GAS7: variants seen among roughly 807,000 people sequenced by gnomAD.
GAS7 encodes growth arrest-specific protein 7.
In GAS7, 28 loss-of-function variants were observed where a neutral mutation model predicts 71.1. The observed-to-expected ratio is 0.39, with a 90% CI of 0.29 to 0.54. The LOEUF (loss-of-function observed/expected upper bound fraction) is 0.54. Ranked by LOEUF, GAS7 falls within the 20% of genes least tolerant of loss-of-function variation. GAS7 has a pLI of 0.62. For synonymous variants in GAS7, 258 were observed against 245.8 expected, an observed-to-expected ratio of 1.05 and a Z score of -0.46; for missense variants, 436 against 627.8, an observed-to-expected ratio of 0.69 and a Z score of 3.27.
chr17:10,010,395 G>A (rs887518038), intron 2 of GAS7, among the ~76,000 whole-genome samples: 1 of 151,924 alleles, frequency 6.6e-6, no homozygotes, highest in Non-Finnish European at 1.5e-5. Flanking sequence ...CTGGTGATCC[G>A]CCCGCCTCAG....
chr17:10,121,254 A>G (rs1208849081), intron 1 of GAS7, among the ~76,000 whole-genome samples: 1 of 151,886 alleles, frequency 6.6e-6, no homozygotes, highest in East Asian at 1.9e-4. Context: ...GGTGGCATGC[A>G]CCTGTAGTCC....
intron 6 of GAS7, among the ~76,000 whole-genome samples, chr17:9,945,057 G>A (rs1567805669): frequency 6.6e-6 from 1 of 152,104 alleles, no homozygotes; most frequent in African/African-American, 2.4e-5. Flanking sequence ...GCTGCTGGAT[G>A]CAGGCGGCAT....
intron 13 of GAS7, 78 bp from the exon 14 acceptor site, chr17:9,917,419 C>T: frequency 9.4e-7 from 1 of 1,058,476 alleles, no homozygotes. Flanking sequence ...ACATGCTGTC[C>T]TCACCTTAGT....
intron 1 of GAS7, among the ~76,000 whole-genome samples, chr17:10,042,666 G>C (rs1050865709): frequency 6.6e-6 from 1 of 152,216 alleles, no homozygotes; most frequent in East Asian, 1.9e-4. Flanking sequence ...CAGACAATAA[G>C]AGCTTTCAGA....
At chr17:9,939,280 T>A (rs903132799) in intron 8 of GAS7, among the ~76,000 whole-genome samples, 72 of 152,222 alleles carry the variant, frequency 4.7e-4, no homozygotes, top group African/African-American at 1.7e-3. Flanking sequence ...GGCTGAGACT[T>A]TTTTACCCAC....
At chr17:9,954,281 G>A (rs1266030955) in intron 5 of GAS7, among the ~76,000 whole-genome samples, 1 of 152,194 alleles carries the variant, frequency 6.6e-6, no homozygotes, top group East Asian at 1.9e-4. Context: ...ACTGAGCTGA[G>A]AGGGGGTCTT....
chr17:9,988,404 G>C (rs2070720988), intron 2 of GAS7, among the ~76,000 whole-genome samples: 1 of 152,156 alleles, frequency 6.6e-6, no homozygotes, highest in Non-Finnish European at 1.5e-5. Context: ...TGCAGAATTT[G>C]CAATCAGGCC....
intron 1 of GAS7, among the ~76,000 whole-genome samples, chr17:10,101,929 A>C (rs989250766): frequency 6.6e-6 from 1 of 152,104 alleles, no homozygotes; most frequent in Non-Finnish European, 1.5e-5. Flanking sequence ...CCTGTCTTCT[A>C]TGAAATTTTC....
chr17:9,924,892 G>A (rs988291913), intron 11 of GAS7: 12 of 152,182 alleles, frequency 7.9e-5, no homozygotes, highest in African/African-American at 2.9e-4. Context: ...CTTCCTCTTT[G>A]TGTATTAGCT....
chr17:10,054,027 G>A (rs572730818), intron 1 of GAS7, among the ~76,000 whole-genome samples: 15 of 152,252 alleles, frequency 9.9e-5, no homozygotes, highest in African/African-American at 3.4e-4. Context: ...TGTTGCACAC[G>A]TAGGCACTCC....
rs184492282 is a variant in GAS7, at chr17:10,042,067, C to T, written c.184-22170G>A. Among the ~76,000 whole-genome samples, 296 of 152,154 alleles carry T rather than the reference C, an allele frequency of 1.9e-3. 2 individuals are homozygous for T. Among genetic ancestry groups the T allele is most frequent in the African/African-American group, 6.7e-3 (276 of 41,490 alleles). ...ATCCTAGCACGTTGGGAAGCCAAGA[C>T]GGGCAGATCATGAGGTCACGAGTTC... On this transcript the variant is annotated intron_variant, in intron 1 of 13. Transcript: ENST00000432992.
rs560643075 is a variant in GAS7 at position 9,911,370 on chromosome 17, G to A, written c.*5858C>T. The A allele has an allele frequency of 4.3e-6, 1 of 233,798 alleles. No homozygotes were observed. Among genetic ancestry groups the A allele is most frequent in the African/African-American group, 2.2e-5 (1 of 45,476 alleles). The allele number at this position is 233,798 out of a possible 1,614,324, so 14.5% of individuals were successfully genotyped here. A position where few individuals can be genotyped will look rare whatever the true frequency, so the allele number is the denominator to read the frequency against. Reference sequence around the variant, plus strand: ...AGGTCTCCCAGTCACCCCACCCCGAGAGAGCACCCACGTGCCCTGACCTTA... The same window carrying A: ...AGGTCTCCCAGTCACCCCACCCCGAAAGAGCACCCACGTGCCCTGACCTTA... On this transcript the variant is annotated 3_prime_UTR_variant, in exon 14 of 14. Coordinates refer to ENST00000432992, the MANE Select transcript of GAS7 (RefSeq NM_201433.2). This position sits in a 1 kb window ranked among gnomAD's most constrained non-coding sequence, Gnocchi z 4.0.
chr17:10,121,044 G>T (rs2073900672), intron 1 of GAS7, among the ~76,000 whole-genome samples: 1 of 152,252 alleles, frequency 6.6e-6, no homozygotes. Flanking sequence ...CTACGGGCTG[G>T]GGTGCAGAAG....
rs2069369834 is a variant in GAS7 at position 9,959,112 on chromosome 17, T to C, written c.525+90A>G. 2 of 1,457,852 alleles carry C rather than the reference T, an allele frequency of 1.4e-6. No homozygotes were observed. Among genetic ancestry groups the C allele is most frequent in the Admixed American group, 2.1e-5 (1 of 47,756 alleles). 90.3% of individuals were successfully genotyped at this position (1,457,852 alleles called of 1,614,324 possible). ...CCGTTTCCAGGTTGGGCATCACTTCTGCTTGGCGGTCCACATCGCCATGGC... is the reference window on the plus strand; with the variant it reads ...CCGTTTCCAGGTTGGGCATCACTTCCGCTTGGCGGTCCACATCGCCATGGC... On this transcript the variant is annotated intron_variant, in intron 5 of 13. Transcript: ENST00000432992. The surrounding 1 kb of genome is among the most constrained non-coding windows in gnomAD (Gnocchi z 5.0).
chr17:9,926,852 C>CT lies in GAS7; in HGVS notation c.886-84_886-83insA. On this transcript the variant is annotated intron_variant, in intron 9 of 13. Coordinates refer to ENST00000432992, the MANE Select transcript of GAS7 (RefSeq NM_201433.2). The surrounding 1 kb of genome is among the most constrained non-coding windows in gnomAD (Gnocchi z 5.0). ...CAGGGAGGAGGGATGGGAGGGGCAC[C>CT]CCCACTTCCCCAGGCAAGTGAGGAT... The CT allele has an allele frequency of 6.8e-7, 1 of 1,464,956 alleles. No homozygotes were observed. The highest frequency in any genetic ancestry group is 9.5e-7 in the Non-Finnish European group (1 of 1,047,886). The allele number at this position is 1,464,956 out of a possible 1,614,324, so 90.7% of individuals were successfully genotyped here.
intron 4 of GAS7, among the ~76,000 whole-genome samples, chr17:9,968,898 T>G (rs1217041389): frequency 1.3e-5 from 2 of 152,372 alleles, no homozygotes; most frequent in African/African-American, 4.8e-5. Flanking sequence ...TCTGGCATTT[T>G]AATTCCTGGA....
chr17:9,917,000 T>G lies in GAS7; in HGVS notation c.*228A>C. The G allele has an allele frequency of 1.8e-6, 1 of 564,350 alleles. No homozygotes were observed. Among genetic ancestry groups the G allele is most frequent in the South Asian group, 2.4e-5 (1 of 40,934 alleles). The allele number at this position is 564,350 out of a possible 1,614,324, so 35.0% of individuals were successfully genotyped here. A position where few individuals can be genotyped will look rare whatever the true frequency, so the allele number is the denominator to read the frequency against. ...CAAGCACAGCATGGGAGTCAGGGGG[T>G]CTTCAGCCTCAGAGACAAGGGCAGG... On this transcript the variant is annotated 3_prime_UTR_variant, in exon 14 of 14. Coordinates refer to ENST00000432992, the MANE Select transcript of GAS7 (RefSeq NM_201433.2).
intron 2 of GAS7, among the ~76,000 whole-genome samples, chr17:10,012,838 C>T (rs1251885504): frequency 6.6e-6 from 1 of 152,014 alleles, no homozygotes. Flanking sequence ...CGCGGTGGCT[C>T]ACGCCTGTAA....
intron 1 of GAS7, among the ~76,000 whole-genome samples, chr17:10,097,272 G>A (rs2073650642): frequency 1.3e-5 from 2 of 152,140 alleles, no homozygotes; most frequent in Admixed American, 6.6e-5. Flanking sequence ...CAGTGGTCAG[G>A]GCCCACTCAC....
Sources: allele counts gnomAD v4.1 joint callset (sites outside exome capture counted in the v4.1 genomes callset), GRCh38; gene constraint gnomAD v4.1.1; non-coding constraint Gnocchi (gnomAD v3.1); transcripts MANE v1.5; gene names NCBI Gene and HGNC (gene_info 2026-07-23, HGNC 2026-07-21).